Variants in ARHGEF4 observed in about 807,000 individuals in gnomAD.
ARHGEF4 encodes APC-stimulated guanine nucleotide exchange factor 1.
In ARHGEF4, 119 loss-of-function variants were observed where a neutral mutation model predicts 162.0. That is an observed-to-expected ratio of 0.73 (90% CI 0.63 to 0.86). ARHGEF4 has a LOEUF of 0.86. Among genes scored for constraint, ARHGEF4 ranks in the 40% least tolerant of loss-of-function variants. The probability of loss-of-function intolerance (pLI) is 0.00; values close to 1 mark genes in which losing one functional copy is unlikely to be tolerated. For missense variants in ARHGEF4, 2,488 were observed against 2,456.0 expected, an observed-to-expected ratio of 1.01 and a Z score of -0.28; for synonymous variants, 1,014 against 979.9, an observed-to-expected ratio of 1.03 and a Z score of -0.65.
chr2:131,003,527 A>G (rs1330745025), intron 4 of ARHGEF4, among the ~76,000 whole-genome samples: 1 of 152,216 alleles, frequency 6.6e-6, no homozygotes, highest in Non-Finnish European at 1.5e-5. Context: ...CCCTAGATGC[A>G]CCAGGCTGAG....
chr2:130,907,912 A>G (rs911252072), intron 1 of ARHGEF4, among the ~76,000 whole-genome samples: 4 of 151,102 alleles, frequency 2.6e-5, no homozygotes, highest in Non-Finnish European at 4.4e-5. Context: ...AGCCGAGATC[A>G]CACCACTGCA....
intron 4 of ARHGEF4, among the ~76,000 whole-genome samples, chr2:130,951,026 C>G (rs1683927524): frequency 6.6e-6 from 1 of 152,222 alleles, no homozygotes; most frequent in African/African-American, 2.4e-5. Flanking sequence ...TAGGTTTAGA[C>G]TTTTCTTTTA....
At chr2:130,905,917 A>G (rs1680784902) in intron 1 of ARHGEF4, among the ~76,000 whole-genome samples, 1 of 152,216 alleles carries the variant, frequency 6.6e-6, no homozygotes, top group Non-Finnish European at 1.5e-5. Context: ...TCCCCCACAG[A>G]TAAGGGGGAA....
At chr2:131,019,703 G>A (rs998626076) in intron 4 of ARHGEF4, among the ~76,000 whole-genome samples, 11 of 151,892 alleles carry the variant, frequency 7.2e-5, no homozygotes, top group Non-Finnish European at 1.2e-4. Context: ...GCGCGATCTC[G>A]GCTCACTGCA....
chr2:131,018,808 T>G (rs1688918317), intron 4 of ARHGEF4, among the ~76,000 whole-genome samples: 1 of 152,244 alleles, frequency 6.6e-6, no homozygotes, highest in Non-Finnish European at 1.5e-5. Context: ...ATTTTGCATT[T>G]GGATATCCAG....
intron 4 of ARHGEF4, among the ~76,000 whole-genome samples, chr2:130,951,886 G>GTATTATAA (rs1199807157): frequency 6.6e-6 from 1 of 152,068 alleles, no homozygotes; most frequent in Non-Finnish European, 1.5e-5. Flanking sequence ...TATAAAGCCA[G>GTATTATAA]CAGCACATTA....
chr2:130,870,463 G>A (rs1277624151), intron 1 of ARHGEF4, among the ~76,000 whole-genome samples: 2 of 152,196 alleles, frequency 1.3e-5, no homozygotes, highest in Non-Finnish European at 1.5e-5. Flanking sequence ...CAGGAGAGGG[G>A]GCAGGAAGGG....
intron 4 of ARHGEF4, among the ~76,000 whole-genome samples, chr2:130,966,576 G>A (rs370173339): frequency 6.6e-5 from 10 of 152,230 alleles, no homozygotes; most frequent in Admixed American, 3.3e-4. Flanking sequence ...GTGAGGCTGC[G>A]TCTGAGCAGA....
intron 4 of ARHGEF4, among the ~76,000 whole-genome samples, chr2:131,001,173 C>T (rs1001857614): frequency 2.0e-5 from 3 of 151,654 alleles, no homozygotes; most frequent in African/African-American, 7.3e-5. Context: ...CGTGGCAGTG[C>T]ATGCCTGTAA....
At chr2:130,947,393 C>T (rs1390717277) in intron 4 of ARHGEF4, among the ~76,000 whole-genome samples, 1 of 151,876 alleles carries the variant, frequency 6.6e-6, no homozygotes, top group Admixed American at 6.6e-5. Context: ...TACTCCGTCT[C>T]AAGAAAAAAT....
rs185834703 is a variant in ARHGEF4 at position 131,029,847 on chromosome 2, C to T, written c.4125+1763C>T. ...GGGATTACAAGCGTAAGCCACCACA[C>T]TCGGCCAGTTGTACTTTCTCTGGAA... On this transcript the variant is annotated intron_variant, in intron 5 of 13. Coordinates refer to ENST00000409359, the MANE Select transcript of ARHGEF4 (RefSeq NM_001367493.1). Among the ~76,000 whole-genome samples, 171 of 152,368 alleles carry T rather than the reference C, an allele frequency of 1.1e-3. 1 individual carries two copies. The highest frequency in any genetic ancestry group is 3.9e-3 in the African/African-American group (164 of 41,580).
At chr2:130,848,334 TC>T in intron 1 of ARHGEF4, among the ~76,000 whole-genome samples, 1 of 152,278 alleles carries the variant, frequency 6.6e-6, no homozygotes, top group Non-Finnish European at 1.5e-5. Flanking sequence ...AGTGTTTTCA[TC>T]CCCACGCACA....
intron 4 of ARHGEF4, among the ~76,000 whole-genome samples, chr2:130,995,062 G>C (rs902363921): frequency 6.6e-6 from 1 of 152,182 alleles, no homozygotes; most frequent in African/African-American, 2.4e-5. Context: ...TTGGATTCAT[G>C]GCTTGATGTC....
At chr2:130,864,581 A>C (rs1193899949) in intron 1 of ARHGEF4, among the ~76,000 whole-genome samples, 1 of 152,174 alleles carries the variant, frequency 6.6e-6, no homozygotes, top group Non-Finnish European at 1.5e-5. Flanking sequence ...AAAATTAGCC[A>C]GATGTGGTGG....
At chr2:130,995,309 T>G (rs1573559294) in intron 4 of ARHGEF4, among the ~76,000 whole-genome samples, 1 of 152,240 alleles carries the variant, frequency 6.6e-6, no homozygotes, top group South Asian at 2.1e-4. Flanking sequence ...TTAAACATAT[T>G]CATTGAGTTT....
At chr2:130,843,244 G>T (rs1680729766) in intron 1 of ARHGEF4, among the ~76,000 whole-genome samples, 1 of 152,198 alleles carries the variant, frequency 6.6e-6, no homozygotes, top group Non-Finnish European at 1.5e-5. Flanking sequence ...CTCCACATTT[G>T]TGGCGGAAGG....
chr2:130,946,526 C>T lies in ARHGEF4; in HGVS notation c.3876C>T (p.Ile1292=). ...KDGVKCWRKT[I]ITSPESLNLP... is the part of the protein sequence containing the mutation. Reference sequence around the variant, plus strand: ...TCTTCCAGTGCTGGAGAAAGACGATCATTACCTCTCCAGAGTCTTTGAATC... The same window carrying T: ...TCTTCCAGTGCTGGAGAAAGACGATTATTACCTCTCCAGAGTCTTTGAATC... Residue 1292 remains isoleucine (I), a synonymous_variant, in exon 4 of 14, where the codon ATC becomes ATT. Coordinates refer to ENST00000409359, the MANE Select transcript of ARHGEF4 (RefSeq NM_001367493.1). The T allele has an allele frequency of 6.2e-7, 1 of 1,613,102 alleles. No homozygotes were observed. The highest frequency in any genetic ancestry group is 1.1e-5 in the South Asian group (1 of 90,980).
intron 4 of ARHGEF4, among the ~76,000 whole-genome samples, chr2:131,011,477 C>G (rs539909193): frequency 6.8e-4 from 104 of 152,278 alleles, no homozygotes; most frequent in African/African-American, 2.5e-3. Flanking sequence ...AAAAAAAATG[C>G]AATTTCTGGG....
At chr2:130,891,763 A>G (rs1381956876) in intron 1 of ARHGEF4, among the ~76,000 whole-genome samples, 1 of 152,122 alleles carries the variant, frequency 6.6e-6, no homozygotes, top group African/African-American at 2.4e-5. Flanking sequence ...GATCTCATAC[A>G]ACCTTCATTA....
Sources: allele counts gnomAD v4.1 joint callset (sites outside exome capture counted in the v4.1 genomes callset), GRCh38; gene constraint gnomAD v4.1.1; transcripts MANE v1.5; gene names NCBI Gene and HGNC (gene_info 2026-07-23, HGNC 2026-07-21).